The following THOC1 variants were observed in gnomAD, a reference collection of about 807,000 sequenced individuals.
The protein encoded by THOC1 is THO complex 1.
Under a neutral mutation model 97.3 loss-of-function variants are expected in THOC1, and 29 were observed. That is an observed-to-expected ratio of 0.30 (90% CI 0.22 to 0.41). THOC1 has a LOEUF of 0.41. THOC1 is among the 10% of genes least tolerant of loss of function. The probability of loss-of-function intolerance (pLI) is 1.00; values close to 1 mark genes in which losing one functional copy is unlikely to be tolerated. For missense variants in THOC1, 529 were observed against 761.9 expected (o/e 0.69, Z 3.60); for synonymous variants, 255 against 257.0 (o/e 0.99, Z 0.07).
In THOC1 at chr18:258,614, C is replaced by T. The variant is rs367843685; in HGVS notation, c.520+566G>A. ...ATATAAAGTAGGTGGTACATTAGCC[C>T]AATATTAAGGAAGGGAGGACTGAAG... On this transcript the variant is annotated intron_variant, in intron 7 of 20. Coordinates refer to ENST00000261600, the MANE Select transcript of THOC1 (RefSeq NM_005131.3). Among the ~76,000 whole-genome samples, 11 of 152,058 alleles carry T rather than the reference C, an allele frequency of 7.2e-5. No homozygotes were observed. In the South Asian group the frequency reaches 1.7e-3, roughly 23 times the overall value.
rs547191050 is a variant in THOC1, at chr18:221,825, G to A, written c.1370+1615C>T. Among the ~76,000 whole-genome samples, 5 of 152,120 alleles carry A rather than the reference G, an allele frequency of 3.3e-5. No homozygotes were observed. The East Asian group carries it at 5.8e-4, about 18-fold the overall frequency. On this transcript the variant is annotated intron_variant, in intron 17 of 20. Coordinates refer to ENST00000261600, the MANE Select transcript of THOC1 (RefSeq NM_005131.3). ...GGGTTTCACCGTGTTAGCCACGATGGTCTCTATCTCCTGACCTCATGATCC... is the reference window on the plus strand; with the variant it reads ...GGGTTTCACCGTGTTAGCCACGATGATCTCTATCTCCTGACCTCATGATCC...
chr18:223,495 T>A lies in THOC1; in HGVS notation c.1315A>T (p.Thr439Ser). 6.4e-7 allele frequency: 1 copy of A among 1,559,730 alleles called. No individual in the cohort carries two copies. The highest frequency in any genetic ancestry group is 8.7e-7 in the Non-Finnish European group (1 of 1,150,690). Residue 439 changes from threonine (T) to serine (S), a missense_variant, in exon 17 of 21, where the codon ACA becomes TCA. Transcript: ENST00000261600. ...TCAGGGCAAAGATTCCAAAGCCTTG[T>A]TAACTCCTCACTACAAAATAGACAC... ...KKILMGNEELTRLWNLCPDNM... is the reference protein window; with the variant it reads ...KKILMGNEELSRLWNLCPDNM...
intron 9 of THOC1, among the ~76,000 whole-genome samples, chr18:252,200 A>C (rs2143271499): frequency 6.6e-6 from 1 of 152,316 alleles, no homozygotes; most frequent in African/African-American, 2.4e-5. Context: ...TATTTCATTA[A>C]AAGTTAGCCC....
chr18:256,433 T>C (rs1912437981), intron 7 of THOC1, among the ~76,000 whole-genome samples: 1 of 152,204 alleles, frequency 6.6e-6, no homozygotes, highest in Non-Finnish European at 1.5e-5. Context: ...GCAAGAGAAC[T>C]ACAATTAGAA....
intron 11 of THOC1, chr18:244,206 AT>A (rs891882370): frequency 3.9e-5 from 6 of 152,108 alleles, no homozygotes; most frequent in Non-Finnish European, 8.8e-5. Context: ...CGTTAATAAA[AT>A]TTTTTAATTA....
intron 11 of THOC1, among the ~76,000 whole-genome samples, chr18:238,421 A>G (rs960614839): frequency 2.0e-5 from 3 of 152,204 alleles, no homozygotes; most frequent in African/African-American, 7.2e-5. Context: ...ACAGGGATAC[A>G]TTCTAAGAAA....
intron 18 of THOC1, among the ~76,000 whole-genome samples, chr18:218,402 G>A (rs1432858068): frequency 1.3e-5 from 2 of 152,178 alleles, no homozygotes; most frequent in East Asian, 3.9e-4. Context: ...AAGAGGCTAA[G>A]ACCAATTCCT....
intron 11 of THOC1, among the ~76,000 whole-genome samples, chr18:234,630 C>A (rs937527069): frequency 3.9e-5 from 6 of 152,286 alleles, no homozygotes; most frequent in Admixed American, 3.3e-4. Flanking sequence ...AATCCTCCGG[C>A]CTTGGCCTCC....
chr18:261,190 A>G (rs1912594101), intron 4 of THOC1: 1 of 152,218 alleles, frequency 6.6e-6, no homozygotes, highest in African/African-American at 2.4e-5. Context: ...GAAAAGGTCT[A>G]CGTAGTCTAT....
chr18:229,755 T>G (rs1159781163), intron 11 of THOC1, among the ~76,000 whole-genome samples: 1 of 152,192 alleles, frequency 6.6e-6, no homozygotes, highest in Non-Finnish European at 1.5e-5. Flanking sequence ...GAACACTCTT[T>G]ACTGTCCTCA....
chr18:255,156 A>G lies in THOC1; in HGVS notation c.521-801T>C, dbSNP rs114465542. 2.7e-3 allele frequency among the ~76,000 whole-genome samples: 408 copies of G among 152,308 alleles called. 6 individuals are homozygous for G. The highest frequency in any genetic ancestry group is 9.7e-3 in the African/African-American group (403 of 41,570). On this transcript the variant is annotated intron_variant, in intron 7 of 20. Coordinates refer to ENST00000261600, the MANE Select transcript of THOC1 (RefSeq NM_005131.3). Reference sequence around the variant, plus strand: ...ATTCCCTGAGACGAGACAATATTGAATTTAGGCCAACTAATAATCCTGCAA... The same window carrying G: ...ATTCCCTGAGACGAGACAATATTGAGTTTAGGCCAACTAATAATCCTGCAA...
At chr18:243,675 C>G (rs546950393) in intron 11 of THOC1, among the ~76,000 whole-genome samples, 2 of 151,970 alleles carry the variant, frequency 1.3e-5, no homozygotes, top group Non-Finnish European at 2.9e-5. Context: ...CTTTTTTGCC[C>G]TGATAATATT....
Position 242,083 on chromosome 18 carries a change from A to G in THOC1, c.918+4241T>C, listed in dbSNP as rs1241279712. ...GTTTCTAGGGGAAACTTCTTTCTTT[A>G]AGAAGGAAGACACAATAATTTACAA... On this transcript the variant is annotated intron_variant, in intron 11 of 20. Transcript: ENST00000261600. The surrounding 1 kb of genome is among the most constrained non-coding windows in gnomAD (Gnocchi z 4.5). Among the ~76,000 whole-genome samples, 3 of 152,212 alleles carry G rather than the reference A, an allele frequency of 2.0e-5. No homozygotes were observed. Among genetic ancestry groups the G allele is most frequent in the Admixed American group, 6.5e-5 (1 of 15,282 alleles).
intron 20 of THOC1, 122 bp downstream of exon 20, chr18:215,307 A>G: frequency 1.3e-6 from 1 of 753,082 alleles, no homozygotes; most frequent in Non-Finnish European, 2.3e-6. Context: ...TCACTATGTC[A>G]GAAACAGTTG....
chr18:218,460 T>C (rs1032120196), intron 18 of THOC1, among the ~76,000 whole-genome samples: 2 of 151,902 alleles, frequency 1.3e-5, no homozygotes, highest in African/African-American at 4.8e-5. Flanking sequence ...GAGGCTGAAA[T>C]GGAATGTGAG....
intron 11 of THOC1, among the ~76,000 whole-genome samples, chr18:238,221 TG>T (rs1911777037): frequency 6.6e-6 from 1 of 151,922 alleles, no homozygotes; most frequent in Non-Finnish European, 1.5e-5. Context: ...CTTAAAAAAA[TG>T]AAAAATCTAA....
intron 17 of THOC1, among the ~76,000 whole-genome samples, chr18:221,992 TTTGTACTTTCTG>T (rs557521445): frequency 7.9e-5 from 12 of 152,160 alleles, no homozygotes; most frequent in Non-Finnish European, 1.8e-4. Context: ...ACCATACTGT[TTTGTACTTTCTG>T]TTGTGTTTTC....
chr18:253,116 A>T (rs1217608178), intron 8 of THOC1, among the ~76,000 whole-genome samples: 2 of 152,192 alleles, frequency 1.3e-5, no homozygotes, highest in Non-Finnish European at 2.9e-5. Context: ...GATAATTCAC[A>T]CTGTTGGGGT....
chr18:221,850 C>T (rs372442637), intron 17 of THOC1, among the ~76,000 whole-genome samples: 35 of 152,198 alleles, frequency 2.3e-4, no homozygotes, highest in African/African-American at 5.3e-4. Flanking sequence ...CCTCATGATC[C>T]GCCCGCCTTG....
Sources: gnomAD v4.1 joint callset for allele counts (sites outside exome capture counted in the v4.1 genomes callset) on GRCh38, gnomAD v4.1.1 for gene constraint, Gnocchi (gnomAD v3.1) non-coding constraint, MANE v1.5 for transcripts, NCBI Gene and HGNC (gene_info 2026-07-23, HGNC 2026-07-21) for gene names.